Variants in PIK3C2G observed in about 807,000 individuals in gnomAD.
PIK3C2G encodes phosphatidylinositol 3-kinase C2 domain-containing subunit gamma.
A neutral mutation model predicts 181.1 loss-of-function variants in PIK3C2G; 168 were observed. The ratio of observed to expected loss-of-function variants is 0.93; its 90% CI spans 0.82 to 1.05. The LOEUF (loss-of-function observed/expected upper bound fraction) is 1.05. PIK3C2G is among the 50% of genes least tolerant of loss of function. The pLI, the probability that PIK3C2G is intolerant of heterozygous loss-of-function variation, is 0.00. For missense variants in PIK3C2G, 1,869 were observed against 1,732.8 expected, an observed-to-expected ratio of 1.08 and a Z score of -1.40; for synonymous variants, 573 against 592.2, an observed-to-expected ratio of 0.97 and a Z score of 0.47.
At chr12:18,262,887 A>G (rs139633103) in intron 1 of PIK3C2G, among the ~76,000 whole-genome samples, 1 of 152,314 alleles carries the variant, frequency 6.6e-6, no homozygotes, top group African/African-American at 2.4e-5. Flanking sequence ...TTGTATTTCT[A>G]ACTAAATTCT....
chr12:18,700,589 A>G, the PIK3C2G span, among the ~76,000 whole-genome samples: 1 of 151,462 alleles, frequency 6.6e-6, no homozygotes, highest in African/African-American at 2.4e-5. Flanking sequence ...CTGAAATGAT[A>G]TAAAGCTGAC....
Position 18,428,289 on chromosome 12 carries a change from G to GA in PIK3C2G, c.2504+4259dup, listed in dbSNP as rs570128135. 9.7e-4 allele frequency among the ~76,000 whole-genome samples: 137 copies of GA among 141,510 alleles called. 1 individual carries two copies. The highest frequency in any genetic ancestry group is 1.6e-3 in the Non-Finnish European group (101 of 65,158). The allele number at this position is 141,510 out of a possible 152,430, so 92.8% of individuals were successfully genotyped here. ...ATGCAGCTCCCATCTCACGATTCAT[G>GA]AAAAAAAAATACTCAAAATATCTTT... On this transcript the variant is annotated intron_variant, in intron 18 of 32. Transcript: ENST00000538779.
rs149395832 is a variant in PIK3C2G at position 18,636,217 on chromosome 12, G to C, written c.4183-4212G>C. ...CAGCTGAAAGCAAACTGCTTCTGGTGGTCTTTGTTTTTGTTTTGTTTTGTG... is the reference window on the plus strand; with the variant it reads ...CAGCTGAAAGCAAACTGCTTCTGGTCGTCTTTGTTTTTGTTTTGTTTTGTG... On this transcript the variant is annotated intron_variant, in intron 31 of 32. Coordinates refer to ENST00000538779, the MANE Select transcript of PIK3C2G (RefSeq NM_001288772.2). Among the ~76,000 whole-genome samples, 26 of 152,146 alleles carry C rather than the reference G, an allele frequency of 1.7e-4. No individual in the cohort carries two copies. The East Asian group carries it at 4.6e-3, about 27-fold the overall frequency.
intron 15 of PIK3C2G, among the ~76,000 whole-genome samples, chr12:18,395,916 G>GAAA (rs57271556): frequency 2.3e-4 from 34 of 149,470 alleles, no homozygotes; most frequent in Non-Finnish European, 4.3e-4. Context: ...AATATAACAG[G>GAAA]AAAAAAATAT....
At chr12:18,592,230 G>A (rs1373774217) in intron 29 of PIK3C2G, among the ~76,000 whole-genome samples, 1 of 151,690 alleles carries the variant, frequency 6.6e-6, no homozygotes, top group Admixed American at 6.6e-5. Flanking sequence ...TACCCAGAAA[G>A]GATACATTAG....
chr12:18,376,786 G>C (rs530178521), intron 13 of PIK3C2G, among the ~76,000 whole-genome samples: 7 of 152,202 alleles, frequency 4.6e-5, no homozygotes, highest in Admixed American at 2.0e-4. Flanking sequence ...GATCTGGTTG[G>C]TTGGCAGTGT....
intron 1 of PIK3C2G, among the ~76,000 whole-genome samples, chr12:18,280,741 A>G (rs1050586185): frequency 6.6e-6 from 1 of 152,084 alleles, no homozygotes; most frequent in Non-Finnish European, 1.5e-5. Flanking sequence ...ACATAATTGG[A>G]TTACTGTATA....
chr12:18,332,267 A>C (rs1315611590), intron 8 of PIK3C2G, among the ~76,000 whole-genome samples: 2 of 152,092 alleles, frequency 1.3e-5, no homozygotes, highest in Admixed American at 1.3e-4. Context: ...TGTCTGTGCC[A>C]AAGAGACAGT....
At chr12:18,596,489 A>C (rs1947370827) in intron 30 of PIK3C2G, among the ~76,000 whole-genome samples, 1 of 152,122 alleles carries the variant, frequency 6.6e-6, no homozygotes, top group Admixed American at 6.6e-5. Flanking sequence ...CTCCACAAAA[A>C]AATAAAATAA....
At chr12:18,691,268 A>T in the PIK3C2G span, among the ~76,000 whole-genome samples, 10,005 of 152,212 alleles carry the variant, frequency 0.066, 368 homozygotes, top group Non-Finnish European at 0.077. Flanking sequence ...ACATTTAAGT[A>T]AGAGCAGAAG....
At chr12:18,503,541 A>C (rs1941640362) in intron 23 of PIK3C2G, 124 bp downstream of exon 23, 2 of 588,646 alleles carry the variant, frequency 3.4e-6, no homozygotes, top group Non-Finnish European at 5.5e-6. Flanking sequence ...CAATCAGCCC[A>C]GTAATTAATT....
intron 5 of PIK3C2G, among the ~76,000 whole-genome samples, chr12:18,302,216 G>T (rs747914591): frequency 5.3e-5 from 8 of 152,180 alleles, no homozygotes; most frequent in Non-Finnish European, 1.0e-4. Context: ...TGCCAGCAGT[G>T]GCAGCAGAGG....
At chr12:18,312,321 C>T (rs10160860) in intron 5 of PIK3C2G, among the ~76,000 whole-genome samples, 24,285 of 152,134 alleles carry the variant, frequency 0.16, 2,201 homozygotes, top group East Asian at 0.4. Context: ...TAAGTAAGCA[C>T]GCAGTAGCCA....
chr12:18,704,691 G>A, the PIK3C2G span, among the ~76,000 whole-genome samples: 1 of 152,084 alleles, frequency 6.6e-6, no homozygotes, highest in East Asian at 1.9e-4. Context: ...AGATGTGGAC[G>A]TGATTTTTCA....
the PIK3C2G span, chr12:18,701,678 T>C: frequency 6.3e-7 from 1 of 1,582,524 alleles, no homozygotes; most frequent in Non-Finnish European, 8.6e-7. Flanking sequence ...CTTCTTCCCA[T>C]TCCTCCACCT....
intron 14 of PIK3C2G, among the ~76,000 whole-genome samples, chr12:18,389,352 CAA>C (rs534886442): frequency 1.1e-4 from 13 of 116,754 alleles, no homozygotes; most frequent in Non-Finnish European, 1.1e-4. Context: ...GACTCCATCT[CAA>C]AAAAAAAAAA....
chr12:18,623,355 G>A (rs1033364732), intron 31 of PIK3C2G, among the ~76,000 whole-genome samples: 2 of 151,686 alleles, frequency 1.3e-5, no homozygotes, highest in African/African-American at 4.8e-5. Context: ...GACTGTACAT[G>A]TGGGGGTTCT....
chr12:18,346,313 C>T (rs1939667453), intron 10 of PIK3C2G, among the ~76,000 whole-genome samples: 1 of 152,108 alleles, frequency 6.6e-6, no homozygotes. Flanking sequence ...TAATTTTAAA[C>T]AATCACAAAT....
chr12:18,553,129 C>A (rs1944821079), intron 26 of PIK3C2G, among the ~76,000 whole-genome samples: 1 of 152,042 alleles, frequency 6.6e-6, no homozygotes, highest in East Asian at 1.9e-4. Flanking sequence ...TTACTATATA[C>A]CAGTGATTTA....
Sources: allele counts gnomAD v4.1 joint callset (sites outside exome capture counted in the v4.1 genomes callset), GRCh38; gene constraint gnomAD v4.1.1; transcripts MANE v1.5; gene names NCBI Gene and HGNC (gene_info 2026-07-23, HGNC 2026-07-21).